Variants in SBF2 observed in about 807,000 individuals in gnomAD.
SBF2 encodes SET binding factor 2, also known as myotubularin-related protein 13.
Under a neutral mutation model 225.2 loss-of-function variants are expected in SBF2, and 112 were observed. That is an observed-to-expected ratio of 0.50 (90% CI 0.43 to 0.58). The LOEUF is 0.58. Ranked by LOEUF, SBF2 falls within the 20% of genes least tolerant of loss-of-function variation. The pLI is 0.00. For synonymous variants in SBF2, 763 were observed against 773.3 expected (o/e 0.99, Z 0.22); for missense variants, 1,996 against 2,206.2 (o/e 0.90, Z 1.91).
At chr11:9,844,771 A>G (rs1425330767) in intron 24 of SBF2, among the ~76,000 whole-genome samples, 1 of 152,204 alleles carries the variant, frequency 6.6e-6, no homozygotes, top group Non-Finnish European at 1.5e-5. Context: ...GGATAGCATT[A>G]GGACAAATAC....
intron 2 of SBF2, among the ~76,000 whole-genome samples, chr11:10,051,506 T>C (rs750431147): frequency 6.6e-6 from 1 of 152,106 alleles, no homozygotes; most frequent in Non-Finnish European, 1.5e-5. Flanking sequence ...TCAAATAGTA[T>C]AGTAATTAAT....
chr11:9,934,068 C>T (rs1389626917), intron 16 of SBF2, among the ~76,000 whole-genome samples: 5 of 134,646 alleles, frequency 3.7e-5, no homozygotes, highest in Non-Finnish European at 6.4e-5. Context: ...GGTGACAGAG[C>T]GAGACTGTCT....
intron 17 of SBF2, among the ~76,000 whole-genome samples, chr11:9,888,838 G>C (rs552903874): frequency 6.6e-6 from 1 of 152,190 alleles, no homozygotes; most frequent in African/African-American, 2.4e-5. Context: ...TACTAGCTAG[G>C]TAGTATAGAT....
chr11:10,257,062 T>A (rs1258640772), intron 1 of SBF2, among the ~76,000 whole-genome samples: 1 of 152,182 alleles, frequency 6.6e-6, no homozygotes, highest in Non-Finnish European at 1.5e-5. Flanking sequence ...GCTAAGCACT[T>A]GACAGGAAAC....
At chr11:10,150,077 A>C (rs910741407) in intron 2 of SBF2, among the ~76,000 whole-genome samples, 7 of 152,154 alleles carry the variant, frequency 4.6e-5, no homozygotes, top group Non-Finnish European at 8.8e-5. Context: ...AATGGTTATA[A>C]TAGAATAACC....
At chr11:10,277,132 C>CAAAAA (rs11310738) in intron 1 of SBF2, among the ~76,000 whole-genome samples, 8 of 73,486 alleles carry the variant, frequency 1.1e-4, no homozygotes, top group South Asian at 5.4e-4. Context: ...GACCCCATCT[C>CAAAAA]AAAAAAAAAA....
intron 6 of SBF2, among the ~76,000 whole-genome samples, chr11:10,024,057 C>A (rs1184514560): frequency 1.3e-5 from 2 of 152,060 alleles, no homozygotes; most frequent in Non-Finnish European, 2.9e-5. Flanking sequence ...TTTTTTAGAA[C>A]TTTAGAGAAA....
chr11:10,034,206 T>G (rs1362476100), intron 3 of SBF2, among the ~76,000 whole-genome samples: 1 of 152,220 alleles, frequency 6.6e-6, no homozygotes, highest in Non-Finnish European at 1.5e-5. Context: ...ATGCCACAAC[T>G]TGCCCATTTG....
chr11:9,977,931 A>C (rs552529160), intron 13 of SBF2, among the ~76,000 whole-genome samples: 2 of 152,334 alleles, frequency 1.3e-5, no homozygotes, highest in South Asian at 4.1e-4. Context: ...GGTGCTTCAA[A>C]GGGAAATGAA....
chr11:9,789,066 A>C, intron 35 of SBF2, 43 bp downstream of exon 35: 1 of 1,564,370 alleles, frequency 6.4e-7, no homozygotes, highest in Non-Finnish European at 8.8e-7. Flanking sequence ...TCATGCCTCC[A>C]GGGCCCCTGG....
chr11:9,834,782 G>C (rs569532128), intron 26 of SBF2, among the ~76,000 whole-genome samples: 2 of 152,166 alleles, frequency 1.3e-5, no homozygotes, highest in African/African-American at 4.8e-5. Context: ...AAGATACAAT[G>C]TGTATTAGAC....
chr11:10,225,314 T>C (rs965595536), intron 1 of SBF2, among the ~76,000 whole-genome samples: 2 of 149,616 alleles, frequency 1.3e-5, no homozygotes, highest in Non-Finnish European at 3.0e-5. Context: ...ACTTCTTCTT[T>C]AAAAAAAAAG....
chr11:10,189,977 C>A (rs1957098885), intron 2 of SBF2, among the ~76,000 whole-genome samples: 1 of 152,042 alleles, frequency 6.6e-6, no homozygotes, highest in Non-Finnish European at 1.5e-5. Flanking sequence ...CATGGTGAAA[C>A]CCTGTCTCTA....
chr11:10,109,945 A>G (rs181444811), intron 2 of SBF2, among the ~76,000 whole-genome samples: 55 of 152,340 alleles, frequency 3.6e-4, no homozygotes, highest in African/African-American at 1.3e-3. Context: ...CATGTGAATC[A>G]ATTGTTTCTC....
intron 13 of SBF2, among the ~76,000 whole-genome samples, chr11:9,973,616 A>G (rs1946552467): frequency 6.6e-6 from 1 of 152,200 alleles, no homozygotes; most frequent in Admixed American, 6.5e-5. Flanking sequence ...TTTCTCAGAC[A>G]TGAAAAAGTG....
Position 10,193,981 on chromosome 11 carries a change from C to T in SBF2, c.62G>A (p.Gly21Glu), listed in dbSNP as rs771273917. The T allele has an allele frequency of 1.9e-6, 3 of 1,605,844 alleles. No individual in the cohort carries two copies. In the African/African-American group the frequency reaches 4.0e-5, roughly 21 times the overall value. ...CTGGATTATTTTCCCCAGACCTTCT[C>T]CTGATCCTGTTAATAAAATCAAAGT... ...VGYDHEKPGSGEGLGKIIQRF... is the reference protein window; with the variant it reads ...VGYDHEKPGSEEGLGKIIQRF... Residue 21 changes from glycine to glutamate, a missense_variant, in exon 2 of 40, where the codon GGA becomes GAA. By Grantham distance (98) the Gly-to-Glu change is moderately conservative. Transcript: ENST00000256190.
chr11:10,291,680 A>T (rs1964168822), intron 1 of SBF2, among the ~76,000 whole-genome samples: 1 of 151,932 alleles, frequency 6.6e-6, no homozygotes, highest in Non-Finnish European at 1.5e-5. Context: ...ACACACACAC[A>T]CACACACACA....
chr11:10,122,506 C>T (rs1427803716), intron 2 of SBF2, among the ~76,000 whole-genome samples: 11 of 152,194 alleles, frequency 7.2e-5, no homozygotes, highest in Admixed American at 5.9e-4. Context: ...CAACATCTCA[C>T]TTGTTCAACA....
intron 2 of SBF2, among the ~76,000 whole-genome samples, chr11:10,072,692 T>G (rs1333947022): frequency 6.6e-6 from 1 of 151,242 alleles, no homozygotes; most frequent in Admixed American, 6.6e-5. Context: ...ATTACTATGT[T>G]CTCAAAAAAC....
Sources: allele counts gnomAD v4.1 joint callset (sites outside exome capture counted in the v4.1 genomes callset), GRCh38; gene constraint gnomAD v4.1.1; transcripts MANE v1.5; gene names NCBI Gene and HGNC (gene_info 2026-07-23, HGNC 2026-07-21).